The following FMN1 variants were observed in gnomAD, a reference collection of about 807,000 sequenced individuals.
FMN1 encodes the protein formin-1.
Under a neutral mutation model 132.4 loss-of-function variants are expected in FMN1, and 110 were observed. The observed-to-expected ratio is 0.83, with a 90% CI of 0.71 to 0.97. The LOEUF (loss-of-function observed/expected upper bound fraction) is 0.97, where lower values mean the gene tolerates loss of function less well. Among genes scored for constraint, FMN1 ranks in the 50% least tolerant of loss-of-function variants. The pLI, the probability that FMN1 is intolerant of heterozygous loss-of-function variation, is 0.00. For missense variants in FMN1, 1,792 were observed against 1,705.3 expected (o/e 1.05, Z -0.90); for synonymous variants, 722 against 651.7 (o/e 1.11, Z -1.64).
At chr15:33,123,934 G>GTA (rs776052201) in intron 4 of FMN1, among the ~76,000 whole-genome samples, 3 of 152,152 alleles carry the variant, frequency 2.0e-5, no homozygotes, top group Non-Finnish European at 4.4e-5. Flanking sequence ...TCCCCTCATG[G>GTA]TATCAAAGAT....
intron 7 of FMN1, among the ~76,000 whole-genome samples, chr15:32,988,512 G>A (rs16962654): frequency 0.021 from 3,244 of 152,242 alleles, 86 homozygotes; most frequent in East Asian, 0.13. Context: ...GTTGAGTGAT[G>A]GTTTTTCTGC....
rs189773253 is a variant in FMN1 at position 33,007,904 on chromosome 15, C to T, written c.2223+110G>A. 3.5e-4 allele frequency: 297 copies of T among 845,698 alleles called. 4 individuals are homozygous for T. In the East Asian group the frequency reaches 5.5e-3, roughly 16 times the overall value. 52.4% of individuals were successfully genotyped at this position (845,698 alleles called of 1,614,324 possible). On this transcript the variant is annotated intron_variant, in intron 7 of 20. Transcript: ENST00000616417. The stretch of plus-strand genomic sequence containing the variant: ...AGTGCCTACTGGCAGCTGCAAGATG[C>T]GATGCTGTCTAGTTTAACACTTCAA...
At position 32,804,445 on chromosome 15, in the gene FMN1, G is replaced by C. The variant is rs57144698; in HGVS notation, c.3929-113C>G. ...CACAGGAGGTCTGAATTCGGGGGGG[G>C]GGGGGGGGGGTAGCCTGTAACACAT... is the stretch of plus-strand genomic sequence containing the variant. On this transcript the variant is annotated intron_variant, in intron 17 of 20. Coordinates refer to ENST00000616417, the MANE Select transcript of FMN1 (RefSeq NM_001277313.2). 39 of 89,132 alleles carry C rather than the reference G, an allele frequency of 4.4e-4. 3 individuals are homozygous for C. The highest frequency in any genetic ancestry group is 1.4e-3 in the South Asian group (15 of 10,458). The allele number at this position is 89,132 out of a possible 1,614,324, so 5.5% of individuals were successfully genotyped here. A position where few individuals can be genotyped will look rare whatever the true frequency, so the allele number is the denominator to read the frequency against.
chr15:33,165,476 C>T (rs548776499), intron 3 of FMN1, among the ~76,000 whole-genome samples: 1 of 152,212 alleles, frequency 6.6e-6, no homozygotes, highest in South Asian at 2.1e-4. Flanking sequence ...CTGCAAGCTC[C>T]GCCTCCCGGG....
At chr15:33,128,098 CCAG>C (rs1963283741) in intron 4 of FMN1, among the ~76,000 whole-genome samples, 1 of 151,796 alleles carries the variant, frequency 6.6e-6, no homozygotes, top group Non-Finnish European at 1.5e-5. Flanking sequence ...AAGAATGAGG[CCAG>C]AAGAAGGGAG....
intron 17 of FMN1, among the ~76,000 whole-genome samples, chr15:32,805,993 T>C (rs1484410338): frequency 2.0e-5 from 3 of 152,226 alleles, no homozygotes; most frequent in Non-Finnish European, 2.9e-5. Flanking sequence ...TTCTTTTATA[T>C]ATCCTTCTCT....
At chr15:33,028,109 G>A (rs1261593313) in intron 6 of FMN1, among the ~76,000 whole-genome samples, 2 of 152,140 alleles carry the variant, frequency 1.3e-5, no homozygotes, top group African/African-American at 2.4e-5. Flanking sequence ...AATCACCTGG[G>A]GAGGTTTAAA....
At chr15:32,937,228 C>CAG (rs1016342447) in intron 9 of FMN1, among the ~76,000 whole-genome samples, 33 of 152,316 alleles carry the variant, frequency 2.2e-4, no homozygotes, top group African/African-American at 7.9e-4. Flanking sequence ...GATTCACACA[C>CAG]AACAGAAACC....
chr15:33,005,586 C>G (rs976699589), intron 7 of FMN1, among the ~76,000 whole-genome samples: 5 of 152,116 alleles, frequency 3.3e-5, no homozygotes, highest in Non-Finnish European at 5.9e-5. Flanking sequence ...GTGCTTAGAA[C>G]AATACCTAGC....
intron 19 of FMN1, among the ~76,000 whole-genome samples, chr15:32,790,275 T>C (rs2057030288): frequency 6.6e-6 from 1 of 152,146 alleles, no homozygotes; most frequent in Non-Finnish European, 1.5e-5. Context: ...CCCAGCTCAT[T>C]TTCTACTTAA....
At chr15:32,966,314 AAAGGTATTTCCAAT>A (rs1363269636) in intron 8 of FMN1, among the ~76,000 whole-genome samples, 1 of 152,152 alleles carries the variant, frequency 6.6e-6, no homozygotes, top group Non-Finnish European at 1.5e-5. Flanking sequence ...TTTCTATGGG[AAAGGTATTTCCAAT>A]ACTGAATGAA....
intron 16 of FMN1, among the ~76,000 whole-genome samples, chr15:32,877,250 G>A (rs1249239244): frequency 6.7e-6 from 1 of 149,480 alleles, no homozygotes; most frequent in African/African-American, 2.5e-5. Flanking sequence ...TTGTGCCACT[G>A]CACTCCAGCC....
chr15:32,977,171 C>T (rs1166072081), intron 7 of FMN1, among the ~76,000 whole-genome samples: 3 of 152,118 alleles, frequency 2.0e-5, no homozygotes, highest in Non-Finnish European at 2.9e-5. Context: ...ATAATTATAA[C>T]AACAATCTGT....
intron 6 of FMN1, among the ~76,000 whole-genome samples, chr15:33,041,807 G>T (rs1282674303): frequency 2.0e-5 from 3 of 152,126 alleles, no homozygotes; most frequent in African/African-American, 7.2e-5. Flanking sequence ...AATGCACATA[G>T]TGTCAGTTTT....
chr15:32,973,602 T>G (rs2031970945), intron 7 of FMN1, among the ~76,000 whole-genome samples: 1 of 150,538 alleles, frequency 6.6e-6, no homozygotes, highest in Non-Finnish European at 1.5e-5. Flanking sequence ...CACTTGTCTT[T>G]GACCTTTCCT....
intron 20 of FMN1, 81 bp downstream of exon 20, chr15:32,776,754 T>A: frequency 1.3e-6 from 1 of 760,866 alleles, no homozygotes; most frequent in Non-Finnish European, 2.2e-6. Flanking sequence ...ATACTATGTT[T>A]CATCTCTGAG....
chr15:33,117,011 G>A (rs2039954392), intron 4 of FMN1, among the ~76,000 whole-genome samples: 1 of 152,142 alleles, frequency 6.6e-6, no homozygotes, highest in South Asian at 2.1e-4. Flanking sequence ...AATTAAGTGT[G>A]GCACTGACCC....
rs575669880 is a variant in FMN1, at chr15:33,066,389, T to A, written c.2044-1315A>T. ...CTTACAGGACAATATAATTTGACTA[T>A]AATCCTTTTTCAACTAAAAGAATCA... On this transcript the variant is annotated intron_variant, in intron 5 of 20. Coordinates refer to ENST00000616417, the MANE Select transcript of FMN1 (RefSeq NM_001277313.2). 22 of 852,238 alleles carry A rather than the reference T, an allele frequency of 2.6e-5. No homozygotes were observed. The East Asian group carries it at 5.1e-4, about 20-fold the overall frequency. The allele number at this position is 852,238 out of a possible 1,614,324, so 52.8% of individuals were successfully genotyped here. A position where few individuals can be genotyped will look rare whatever the true frequency, so the allele number is the denominator to read the frequency against.
intron 4 of FMN1, among the ~76,000 whole-genome samples, chr15:33,117,922 G>A (rs2039989087): frequency 6.6e-6 from 1 of 152,156 alleles, no homozygotes; most frequent in African/African-American, 2.4e-5. Context: ...TATGGGTGAT[G>A]GAGTGGCAGT....
Sources: allele counts gnomAD v4.1 joint callset (sites outside exome capture counted in the v4.1 genomes callset), GRCh38; gene constraint gnomAD v4.1.1; transcripts MANE v1.5; gene names NCBI Gene and HGNC (gene_info 2026-07-23, HGNC 2026-07-21).